The following RYK variants were observed in gnomAD, a reference collection of about 807,000 sequenced individuals.
The protein encoded by RYK is receptor like tyrosine kinase.
Under a neutral mutation model 70.2 loss-of-function variants are expected in RYK, and 21 were observed. The ratio of observed to expected loss-of-function variants is 0.30; its 90% CI spans 0.21 to 0.43. The LOEUF (loss-of-function observed/expected upper bound fraction) is 0.43. Ranked by LOEUF, RYK falls within the 20% of genes least tolerant of loss-of-function variation. The pLI, the probability that RYK is intolerant of heterozygous loss-of-function variation, is 1.00. For missense variants in RYK, 604 were observed against 753.3 expected (o/e 0.80, Z 2.32); for synonymous variants, 267 against 278.0 (o/e 0.96, Z 0.39).
chr3:134,243,094 T>C (rs2015369074), intron 1 of RYK, among the ~76,000 whole-genome samples: 1 of 152,164 alleles, frequency 6.6e-6, no homozygotes, highest in African/African-American at 2.4e-5. Flanking sequence ...AAGCATGGGC[T>C]CTGAGATTTA....
Position 134,177,994 on chromosome 3 carries a change from TCCC to T in RYK, c.1249_1251del (p.Gly417del), listed in dbSNP as rs34226753. 31 of 1,612,480 alleles carry T rather than the reference TCCC, an allele frequency of 1.9e-5. No individual in the cohort carries two copies. Among genetic ancestry groups the T allele is most frequent in the Non-Finnish European group, 2.5e-5 (29 of 1,179,016 alleles). On this transcript the variant is annotated inframe_deletion, in exon 11 of 15. Transcript: ENST00000623711. The stretch of plus-strand genomic sequence containing the variant: ...CACTGTCGTAAAAACAATTTAAGAT[TCCC>T]CCAATTCATGTAAGGCAATATCACC...
intron 1 of RYK, among the ~76,000 whole-genome samples, chr3:134,246,388 AG>A (rs2015469633): frequency 6.6e-6 from 1 of 150,864 alleles, no homozygotes. Context: ...AAAAAAAAAA[AG>A]CATTTCTGAA....
At chr3:134,159,771 C>G (rs947020848) in intron 13 of RYK, among the ~76,000 whole-genome samples, 1 of 151,956 alleles carries the variant, frequency 6.6e-6, no homozygotes, top group African/African-American at 2.4e-5. Flanking sequence ...AAGTGAAATA[C>G]GCAAATGAGG....
At chr3:134,179,701 T>A (rs1176666854) in intron 10 of RYK, 1 of 152,224 alleles carries the variant, frequency 6.6e-6, no homozygotes, top group Non-Finnish European at 1.5e-5. Flanking sequence ...CCAACTCCCA[T>A]GAATACTAAA....
At chr3:134,192,067 C>A in intron 7 of RYK, 93 bp from the exon 8 acceptor site, 1 of 1,236,606 alleles carries the variant, frequency 8.1e-7, no homozygotes, top group South Asian at 1.4e-5. Context: ...GGACTCAGGT[C>A]ACAGGAATGA....
chr3:134,209,914 A>T, intron 3 of RYK, 85 bp from the exon 4 acceptor site: 2 of 1,057,618 alleles, frequency 1.9e-6, no homozygotes, highest in East Asian at 3.0e-5. Context: ...AACATTTTAG[A>T]ATTACTTATT....
Position 134,230,852 on chromosome 3 carries a change from GA to G in RYK, c.233-8314del, listed in dbSNP as rs369336422. On this transcript the variant is annotated intron_variant, in intron 1 of 14. Coordinates refer to ENST00000623711, the MANE Select transcript of RYK (RefSeq NM_002958.4). Reference sequence around the variant, plus strand: ...GTTTAACTAATTTTTTTAAAAGATGGAAAAAAGGAATTAACACTCAATGGTT... The same window carrying G: ...GTTTAACTAATTTTTTTAAAAGATGGAAAAAGGAATTAACACTCAATGGTT... 5.9e-5 allele frequency among the ~76,000 whole-genome samples: 9 copies of G among 151,936 alleles called. 1 individual carries two copies. Among genetic ancestry groups the G allele is most frequent in the African/African-American group, 2.2e-4 (9 of 41,452 alleles).
chr3:134,204,911 G>A (rs950898952), intron 5 of RYK, among the ~76,000 whole-genome samples: 1 of 152,056 alleles, frequency 6.6e-6, no homozygotes, highest in Non-Finnish European at 1.5e-5. Context: ...GGGAGCAAGA[G>A]CAGAAGCAGG....
intron 3 of RYK, 44 bp downstream of exon 3, chr3:134,211,464 G>A (rs748618743): frequency 7.1e-7 from 1 of 1,409,320 alleles, no homozygotes; most frequent in East Asian, 2.3e-5. Context: ...AGGGGATGCA[G>A]TTGAAAAAGT....
At chr3:134,158,506 G>A (rs2012329249) in intron 14 of RYK, among the ~76,000 whole-genome samples, 1 of 152,156 alleles carries the variant, frequency 6.6e-6, no homozygotes, top group Non-Finnish European at 1.5e-5. Context: ...CAAATACAGA[G>A]ATTTCATGTA....
Position 134,225,008 on chromosome 3 carries a change from C to T in RYK, c.233-2469G>A, listed in dbSNP as rs2014861411. Reference sequence around the variant, plus strand: ...ATTATACTGGAACAGCTTGTGCCTTCAGTCTCTTGCCCCGGCACCTGGGTG... The same window carrying T: ...ATTATACTGGAACAGCTTGTGCCTTTAGTCTCTTGCCCCGGCACCTGGGTG... On this transcript the variant is annotated intron_variant, in intron 1 of 14. Coordinates refer to ENST00000623711, the MANE Select transcript of RYK (RefSeq NM_002958.4). 4.6e-5 allele frequency among the ~76,000 whole-genome samples: 7 copies of T among 152,182 alleles called. No homozygotes were observed. The South Asian group carries it at 1.4e-3, about 31-fold the overall frequency.
Position 134,250,651 on chromosome 3 carries a change from G to C in RYK, c.4C>G (p.Arg2Gly), listed in dbSNP as rs1278966703. Residue 2 changes from arginine to glycine, a missense_variant, in exon 1 of 15, where the codon CGT becomes GGT. Around this residue, in one of 2 missense-constraint regions of RYK, gnomAD observed 466 missense variants for 535.9 expected, o/e 0.87. Transcript: ENST00000623711. ...GGCCGCCCCAGCCGCGCCGCCCCACGCATGGCCGCCGCCGCCGCCGCCGAA... is the reference window on the plus strand; with the variant it reads ...GGCCGCCCCAGCCGCGCCGCCCCACCCATGGCCGCCGCCGCCGCCGCCGAA... M[R>G]GAARLGRPGR... 3.1e-6 allele frequency: 3 copies of C among 981,440 alleles called. No individual in the cohort carries two copies. In the East Asian group the frequency reaches 3.5e-4, roughly 113 times the overall value. The allele number at this position is 981,440 out of a possible 1,614,324, so 60.8% of individuals were successfully genotyped here.
chr3:134,186,366 G>GT (rs530400811), intron 9 of RYK, among the ~76,000 whole-genome samples: 10 of 152,142 alleles, frequency 6.6e-5, no homozygotes, highest in African/African-American at 9.7e-5. Context: ...CTAAAACACT[G>GT]TTTTTTTATT....
intron 8 of RYK, among the ~76,000 whole-genome samples, chr3:134,189,768 CAAAA>C (rs2013588780): frequency 7.9e-6 from 1 of 126,136 alleles, no homozygotes; most frequent in Non-Finnish European, 1.7e-5. Flanking sequence ...AAACAAAAAA[CAAAA>C]ACTCTTATAG....
At position 134,159,305 on chromosome 3, in the gene RYK, G is replaced by C; in HGVS notation, c.1644C>G (p.Pro548=). 1 of 1,613,928 alleles carries C rather than the reference G, an allele frequency of 6.2e-7. No individual in the cohort carries two copies. Among genetic ancestry groups the C allele is most frequent in the South Asian group, 1.1e-5 (1 of 91,058 alleles). Residue 548 remains proline, a synonymous_variant, in exon 14 of 15, where the codon CCC becomes CCG. Coordinates refer to ENST00000623711, the MANE Select transcript of RYK (RefSeq NM_002958.4). ...CTTTCAGGTATGCGGCCATCTCGAA[G>C]GGGTCAATGTCCACGTAGGGAGTCT... is the stretch of plus-strand genomic sequence containing the variant. ...LGQTPYVDID[P]FEMAAYLKDG...
In RYK at chr3:134,159,357, G is replaced by A. The variant is rs375916618; in HGVS notation, c.1592C>T (p.Thr531Met). Reference protein sequence around the residue: ...SASDVWAFGVTLWELMTLGQT... With the variant: ...SASDVWAFGVMLWELMTLGQT... ...GCCCAGAGTCATGAGTTCCCACAGCGTCACTCCAAAGGCCCACTAGTAAAG... is the reference window on the plus strand; with the variant it reads ...GCCCAGAGTCATGAGTTCCCACAGCATCACTCCAAAGGCCCACTAGTAAAG... Residue 531 changes from threonine (T) to methionine (M), a missense_variant, in exon 14 of 15, where the codon ACG becomes ATG. This residue lies in a region of RYK where 138 missense variants were observed against 217.4 expected (regional missense o/e 0.63). Transcript: ENST00000623711. The A allele has an allele frequency of 3.1e-5, 50 of 1,611,824 alleles. No individual in the cohort carries two copies. Among genetic ancestry groups the A allele is most frequent in the South Asian group, 1.2e-4 (11 of 90,722 alleles).
intron 1 of RYK, among the ~76,000 whole-genome samples, chr3:134,233,586 A>G (rs1039308068): frequency 3.3e-5 from 5 of 152,222 alleles, no homozygotes; most frequent in African/African-American, 1.2e-4. Context: ...AATAATTAAT[A>G]AACTGTAATA....
chr3:134,185,688 C>A (rs2013438722), intron 9 of RYK, among the ~76,000 whole-genome samples: 1 of 152,130 alleles, frequency 6.6e-6, no homozygotes, highest in African/African-American at 2.4e-5. Flanking sequence ...CTACTGGAGG[C>A]TAGTAGGATC....
chr3:134,205,660 TCA>T (rs1269345163), intron 5 of RYK, among the ~76,000 whole-genome samples: 1 of 152,168 alleles, frequency 6.6e-6, no homozygotes, highest in Non-Finnish European at 1.5e-5. Flanking sequence ...ATTCCCTCAT[TCA>T]TCCTTCATTT....
Sources: gnomAD v4.1 joint callset for allele counts (sites outside exome capture counted in the v4.1 genomes callset) on GRCh38, gnomAD v4.1.1 for gene constraint, gnomAD v4.1.1 regional missense constraint, MANE v1.5 for transcripts, NCBI Gene and HGNC (gene_info 2026-07-23, HGNC 2026-07-21) for gene names.